Variants in PAK3 observed in about 807,000 individuals in gnomAD.
The protein encoded by PAK3 is p21 (RAC1) activated kinase 3.
Under a neutral mutation model 41.0 loss-of-function variants are expected in PAK3, and 4 were observed. That is an observed-to-expected ratio of 0.10 (90% CI 0.05 to 0.22). The LOEUF (loss-of-function observed/expected upper bound fraction) is 0.22. Among genes scored for constraint, PAK3 ranks in the 10% least tolerant of loss-of-function variants. The pLI, the probability that PAK3 is intolerant of heterozygous loss-of-function variation, is 1.00. For synonymous variants in PAK3, 146 were observed against 139.6 expected (o/e 1.05, Z -0.32); for missense variants, 205 against 409.9 (o/e 0.50, Z 4.32).
intron 4 of PAK3, among the ~76,000 whole-genome samples, chrX:111,111,171 G>T (rs12013969): frequency 5.2e-4 from 58 of 112,252 alleles, no homozygotes; most frequent in African/African-American, 1.8e-3. Context: ...CCAAATGAAT[G>T]TGTTAGAACC....
chrX:111,125,408 G>T (rs951317762), intron 5 of PAK3, among the ~76,000 whole-genome samples: 1 of 111,508 alleles, frequency 9.0e-6, no homozygotes, highest in Non-Finnish European at 1.9e-5. Context: ...GCTAGAGGCT[G>T]ATCCTCAGGA....
intron 1 of PAK3, among the ~76,000 whole-genome samples, chrX:111,006,849 C>CTTTCTTTCTTTCTTTCTTTCTTTCTTTTT (rs1556434441): frequency 2.3e-5 from 1 of 42,726 alleles, no homozygotes; most frequent in Non-Finnish European, 4.4e-5. Flanking sequence ...TTCTTTCTTT[C>CTTTCTTTCTTTCTTTCTTTCTTTCTTTTT]TTTTTTTTTT....
rs752438742 is a variant in PAK3, at chrX:111,199,642, A to G, written c.1407+3002A>G. Among the ~76,000 whole-genome samples, 3 of 111,954 alleles carry G rather than the reference A, an allele frequency of 2.7e-5. No individual in the cohort carries two copies. In the South Asian group the frequency reaches 1.1e-3, roughly 42 times the overall value. ...ATTAACAACAGCTTGGTGGGTATTG[A>G]GTGGAACACAGAGATAGACATAGTG... On this transcript the variant is annotated intron_variant, in intron 16 of 17. Coordinates refer to ENST00000372007, the MANE Select transcript of PAK3 (RefSeq NM_002578.5).
chrX:111,023,077 T>C (rs932858930), intron 1 of PAK3, among the ~76,000 whole-genome samples: 1 of 110,789 alleles, frequency 9.0e-6, no homozygotes, highest in Non-Finnish European at 1.9e-5. Flanking sequence ...GTGTGTGATG[T>C]TCCCCTCTCT....
intron 11 of PAK3, among the ~76,000 whole-genome samples, chrX:111,175,090 A>G (rs761033782): frequency 8.9e-6 from 1 of 112,037 alleles, no homozygotes; most frequent in East Asian, 2.8e-4. Flanking sequence ...AGTATTATGT[A>G]CTAAAGGGAC....
chrX:111,058,819 C>A (rs1461622100), intron 1 of PAK3, among the ~76,000 whole-genome samples: 1 of 111,794 alleles, frequency 8.9e-6, no homozygotes, highest in African/African-American at 3.2e-5. Context: ...AGGTCTTTGA[C>A]CATTTCAAGT....
intron 11 of PAK3, among the ~76,000 whole-genome samples, chrX:111,178,298 G>A (rs1003584590): frequency 9.0e-6 from 1 of 110,804 alleles, no homozygotes; most frequent in Non-Finnish European, 1.9e-5. Flanking sequence ...TATCTGTGCC[G>A]GCATGTATTC....
chrX:110,967,251 G>A (rs1212174902), intron 1 of PAK3, among the ~76,000 whole-genome samples: 1 of 113,027 alleles, frequency 8.8e-6, no homozygotes, highest in African/African-American at 3.2e-5. Context: ...AACAGATCAG[G>A]GACTACGAGT....
At chrX:111,047,269 T>A (rs1246177829) in intron 1 of PAK3, among the ~76,000 whole-genome samples, 1 of 111,600 alleles carries the variant, frequency 9.0e-6, no homozygotes, top group African/African-American at 3.3e-5. Context: ...CTTAGAGAGT[T>A]GATCATTTAG....
chrX:110,957,085 C>T (rs5943093), intron 1 of PAK3, among the ~76,000 whole-genome samples: 2,989 of 111,862 alleles, frequency 0.027, 58 homozygotes, highest in Non-Finnish European at 0.04. Context: ...AATGTTTCTG[C>T]CTTGGTTCAG....
chrX:111,219,229 TAATAATAAG>T (rs1460455903), intron 17 of PAK3, among the ~76,000 whole-genome samples: 5 of 100,451 alleles, frequency 5.0e-5, no homozygotes, highest in East Asian at 2.9e-4. Flanking sequence ...ATAATAATAA[TAATAATAAG>T]CAAGAGATAA....
intron 16 of PAK3, among the ~76,000 whole-genome samples, chrX:111,202,723 C>T (rs1025654030): frequency 5.4e-5 from 6 of 111,653 alleles, no homozygotes; most frequent in Admixed American, 9.6e-5. Context: ...TGCTTTTACA[C>T]GTAATGGGGC....
At position 111,220,945 on chromosome X, in the gene PAK3, C is replaced by CAAAAAAA; in HGVS notation, c.*509_*515dup. ...AAAAAAGAAAGCAAAAAAAGCAAGG[C>CAAAAAAA]AAAAAAAAAAAAAAAAACAAACAAA... On this transcript the variant is annotated 3_prime_UTR_variant, in exon 18 of 18. Coordinates refer to ENST00000372007, the MANE Select transcript of PAK3 (RefSeq NM_002578.5). 29 of 49,396 alleles carry CAAAAAAA rather than the reference C, an allele frequency of 5.9e-4. No individual in the cohort carries two copies. Among genetic ancestry groups the CAAAAAAA allele is most frequent in the African/African-American group, 2.5e-3 (29 of 11,713 alleles). The allele number at this position is 49,396 out of a possible 1,213,427, so 4.1% of individuals were successfully genotyped here. A position where few individuals can be genotyped will look rare whatever the true frequency, so the allele number is the denominator to read the frequency against.
At chrX:111,192,250 T>A (rs750697949) in intron 12 of PAK3, 75 bp downstream of exon 12, 1 of 698,054 alleles carries the variant, frequency 1.4e-6, no homozygotes, top group East Asian at 3.2e-5. Context: ...CGATGGCAAC[T>A]TCGCCTAAAA....
intron 1 of PAK3, among the ~76,000 whole-genome samples, chrX:110,973,634 T>C (rs1467942396): frequency 8.9e-6 from 1 of 112,016 alleles, no homozygotes; most frequent in African/African-American, 3.2e-5. Context: ...AGACCATCAA[T>C]GCTATGAAGA....
intron 8 of PAK3, 128 bp downstream of exon 8, chrX:111,152,575 A>G: frequency 2.0e-6 from 1 of 502,300 alleles, no homozygotes; most frequent in Non-Finnish European, 3.4e-6. Flanking sequence ...AATTCAGTTT[A>G]TATAAAATTC....
intron 1 of PAK3, among the ~76,000 whole-genome samples, chrX:110,987,715 T>C (rs1265996006): frequency 8.9e-6 from 1 of 112,193 alleles, no homozygotes; most frequent in Non-Finnish European, 1.9e-5. Flanking sequence ...ATGTCTGCTC[T>C]TTGTCTCTGG....
At chrX:111,011,491 T>G (rs914524358) in intron 1 of PAK3, among the ~76,000 whole-genome samples, 3 of 112,118 alleles carry the variant, frequency 2.7e-5, no homozygotes, top group Non-Finnish European at 5.6e-5. Context: ...ACTTTTATTA[T>G]CCCTCAATGT....
At chrX:111,007,860 C>T (rs757162150) in intron 1 of PAK3, among the ~76,000 whole-genome samples, 1 of 111,766 alleles carries the variant, frequency 8.9e-6, no homozygotes, top group Non-Finnish European at 1.9e-5. Flanking sequence ...AGCATGCAAC[C>T]CCAGAGAAAA....
Sources: gnomAD v4.1 joint callset for allele counts (sites outside exome capture counted in the v4.1 genomes callset) on GRCh38, gnomAD v4.1.1 for gene constraint, MANE v1.5 for transcripts, NCBI Gene and HGNC (gene_info 2026-07-23, HGNC 2026-07-21) for gene names.